Variants in CHD9 observed in about 807,000 individuals in gnomAD.
CHD9 encodes ATP-dependent chromatin remodeler CHD9.
Under a neutral mutation model 316.1 loss-of-function variants are expected in CHD9, and 77 were observed. That is an observed-to-expected ratio of 0.24 (90% CI 0.20 to 0.29). The LOEUF (loss-of-function observed/expected upper bound fraction) is 0.29, where lower values mean the gene tolerates loss of function less well. CHD9 is among the 10% of genes least tolerant of loss of function. CHD9 has a pLI of 1.00. For missense variants in CHD9, 2,763 were observed against 3,438.1 expected (o/e 0.80, Z 4.91); for synonymous variants, 1,129 against 1,158.3 (o/e 0.97, Z 0.51).
chr16:53,199,453 T>C (rs545156157), intron 2 of CHD9, among the ~76,000 whole-genome samples: 1 of 152,324 alleles, frequency 6.6e-6, no homozygotes, highest in East Asian at 1.9e-4. Flanking sequence ...AAAGTCATGT[T>C]TTAAATTATT....
chr16:53,057,017 A>C (rs542465167), intron 1 of CHD9, among the ~76,000 whole-genome samples: 2 of 152,292 alleles, frequency 1.3e-5, no homozygotes, highest in East Asian at 3.9e-4. Flanking sequence ...TTCTTAAAAA[A>C]AATTTGTTTG....
rs778647752 is a variant in CHD9, at chr16:53,274,276, G to C, written c.4941G>C (p.Gln1647His). The stretch of plus-strand genomic sequence containing the variant: ...AAGAAGTTATTGGAAATGAGTGTCA[G>C]AAAGTATTTGATGGAGTTGATGCAA... ...LKQEVIGNEC[Q>H]KVFDGVDASD... Residue 1647 changes from glutamine to histidine, a missense_variant, in exon 24 of 39, where the codon CAG (glutamine) becomes CAC (histidine). Transcript: ENST00000447540. 6.3e-7 allele frequency: 1 copy of C among 1,594,482 alleles called. No individual in the cohort carries two copies. The highest frequency in any genetic ancestry group is 1.8e-5 in the Admixed American group (1 of 56,030).
At chr16:53,114,538 G>A (rs866778881) in intron 1 of CHD9, among the ~76,000 whole-genome samples, 18 of 152,024 alleles carry the variant, frequency 1.2e-4, no homozygotes, top group African/African-American at 2.9e-4. Flanking sequence ...GATTACAGGC[G>A]TGAGCCACTG....
At position 53,138,132 on chromosome 16, in the gene CHD9, C is replaced by T. The variant is rs149301683; in HGVS notation, c.-164-17794C>T. Among the ~76,000 whole-genome samples, 3 of 152,104 alleles carry T rather than the reference C, an allele frequency of 2.0e-5. No individual in the cohort carries two copies. The East Asian group carries it at 5.8e-4, about 29-fold the overall frequency. ...AGGGCTACTGATAGGGGATATACAT[C>T]GTTAAGTAGAGACTTAAGCTATTAC... is the stretch of plus-strand genomic sequence containing the variant. On this transcript the variant is annotated intron_variant, in intron 1 of 38. Coordinates refer to ENST00000447540, the MANE Select transcript of CHD9 (RefSeq NM_001308319.2).
intron 2 of CHD9, among the ~76,000 whole-genome samples, chr16:53,187,448 G>T (rs531622117): frequency 6.6e-6 from 1 of 152,094 alleles, no homozygotes; most frequent in African/African-American, 2.4e-5. Flanking sequence ...CAAAGTTACC[G>T]TGAGCTATGA....
Position 53,304,492 on chromosome 16 carries a change from C to T in CHD9, c.6486C>T (p.Gly2162=). 6.4e-7 allele frequency: 1 copy of T among 1,554,394 alleles called. No homozygotes were observed. Among genetic ancestry groups the T allele is most frequent in the Non-Finnish European group, 8.7e-7 (1 of 1,148,486 alleles). The stretch of plus-strand genomic sequence containing the variant: ...CTTCTTGCTCCCACTCTCGATCAGG[C>T]TCTAGTTCTTCTTCATCTTCATCTT... ...SSSSCSHSRS[G]SSSSSSSSCS... The change falls in exon 31 of 39, where the codon GGC becomes GGT. Residue 2162 remains glycine, a synonymous_variant. Coordinates refer to ENST00000447540, the MANE Select transcript of CHD9 (RefSeq NM_001308319.2).
intron 16 of CHD9, among the ~76,000 whole-genome samples, chr16:53,248,559 T>C (rs2049870921): frequency 7.0e-6 from 1 of 143,598 alleles, no homozygotes; most frequent in Admixed American, 7.1e-5. Context: ...AGGGTCTCAC[T>C]GTGTTGCCCA....
intron 1 of CHD9, among the ~76,000 whole-genome samples, chr16:53,069,604 T>G (rs925042285): frequency 1.3e-5 from 2 of 152,138 alleles, no homozygotes; most frequent in African/African-American, 4.8e-5. Flanking sequence ...GACTGTGGTA[T>G]GTATCTGCCA....
At chr16:53,153,881 C>G (rs2041309830) in intron 1 of CHD9, among the ~76,000 whole-genome samples, 1 of 152,052 alleles carries the variant, frequency 6.6e-6, no homozygotes, top group Admixed American at 6.6e-5. Context: ...GAAAGCTGAT[C>G]AGAAATACTT....
intron 1 of CHD9, among the ~76,000 whole-genome samples, chr16:53,109,677 CTTTTTTTT>C (rs1166073629): frequency 4.2e-5 from 3 of 71,608 alleles, no homozygotes; most frequent in African/African-American, 5.9e-5. Context: ...TTCCCAGTTT[CTTTTTTTT>C]TTTTTTTTTT....
Position 53,115,615 on chromosome 16 carries a change from C to T in CHD9, c.-164-40311C>T, listed in dbSNP as rs543654298. On this transcript the variant is annotated intron_variant, in intron 1 of 38. Transcript: ENST00000447540. ...AGGTCGGATAACTCCAAATGGCAGC[C>T]GGTTTTTCTGCCAGAACAATATGGG... 2.0e-4 allele frequency among the ~76,000 whole-genome samples: 31 copies of T among 152,234 alleles called. No individual in the cohort carries two copies. The South Asian group carries it at 5.0e-3, about 24-fold the overall frequency.
At chr16:53,235,857 A>G (rs1312437098) in intron 11 of CHD9, among the ~76,000 whole-genome samples, 1 of 152,224 alleles carries the variant, frequency 6.6e-6, no homozygotes, top group Non-Finnish European at 1.5e-5. Context: ...GATAATTGCA[A>G]AAGAAGTAAA....
chr16:53,094,276 C>T (rs766571240), intron 1 of CHD9, among the ~76,000 whole-genome samples: 36 of 152,140 alleles, frequency 2.4e-4, no homozygotes, highest in Admixed American at 1.4e-3. Flanking sequence ...CTGGGCTGGG[C>T]GGGGCAGGGC....
chr16:53,246,201 A>C (rs990398579), intron 15 of CHD9, among the ~76,000 whole-genome samples: 18 of 152,288 alleles, frequency 1.2e-4, no homozygotes, highest in Admixed American at 9.8e-4. Context: ...TAGTGTTTCA[A>C]TTCTTGTGCT....
In CHD9 at chr16:53,304,614, C is replaced by T; in HGVS notation, c.6608C>T (p.Ala2203Val). 1 of 1,545,468 alleles carries T rather than the reference C, an allele frequency of 6.5e-7. No homozygotes were observed. The change falls in exon 31 of 39, where the codon GCC becomes GTC. Residue 2203 changes from alanine to valine, a missense_variant. By Grantham distance (64) the Ala-to-Val change is moderately conservative. This residue lies in a region of CHD9 where 663 missense variants were observed against 751.2 expected (regional missense o/e 0.88). Transcript: ENST00000447540. ...SEESDSDEEE[A>V]QKRESTTHMK... ...GAAAGTGACAGTGATGAAGAAGAAG[C>T]CCAAAAACGAGGTACTATGCATAAA...
At chr16:53,274,142 T>G (rs2052562771) in intron 23 of CHD9, 71 bp from the exon 24 acceptor site, 4 of 921,854 alleles carry the variant, frequency 4.3e-6, no homozygotes, top group Non-Finnish European at 6.9e-6. Flanking sequence ...CTTCCTAATT[T>G]TAACCCCATG....
chr16:53,114,674 G>A (rs866115134), intron 1 of CHD9, among the ~76,000 whole-genome samples: 2 of 152,110 alleles, frequency 1.3e-5, no homozygotes, highest in African/African-American at 4.8e-5. Flanking sequence ...TGCAAGCTCC[G>A]CCTCGCGGGT....
intron 2 of CHD9, among the ~76,000 whole-genome samples, chr16:53,173,419 A>C (rs999903692): frequency 6.6e-6 from 1 of 152,098 alleles, no homozygotes; most frequent in Non-Finnish European, 1.5e-5. Context: ...TCTTCCTAAT[A>C]AGTATGGCTA....
At chr16:53,299,485 G>A (rs756599217) in intron 30 of CHD9, 4 of 269,508 alleles carry the variant, frequency 1.5e-5, no homozygotes, top group East Asian at 9.5e-5. Context: ...ATCAGTCTGC[G>A]CTCTGCAGCA....
Sources: gnomAD v4.1 joint callset for allele counts (sites outside exome capture counted in the v4.1 genomes callset) on GRCh38, gnomAD v4.1.1 for gene constraint, gnomAD v4.1.1 regional missense constraint, MANE v1.5 for transcripts, NCBI Gene and HGNC (gene_info 2026-07-23, HGNC 2026-07-21) for gene names.